The following SYNPR variants were observed in gnomAD, a reference collection of about 807,000 sequenced individuals.
SYNPR encodes synaptoporin.
Under a neutral mutation model 32.9 loss-of-function variants are expected in SYNPR, and 23 were observed. The observed-to-expected ratio is 0.70, with a 90% CI of 0.50 to 0.99. SYNPR has a LOEUF of 0.99. SYNPR is among the 50% of genes least tolerant of loss of function. SYNPR has a pLI of 0.00. For missense variants in SYNPR, 318 were observed against 349.3 expected, an observed-to-expected ratio of 0.91 and a Z score of 0.71; for synonymous variants, 146 against 135.9, an observed-to-expected ratio of 1.07 and a Z score of -0.52.
chr3:63,596,036 G>A (rs1575729688), intron 4 of SYNPR, among the ~76,000 whole-genome samples: 1 of 144,786 alleles, frequency 6.9e-6, no homozygotes, highest in Non-Finnish European at 1.5e-5. Context: ...GGGTACATGT[G>A]CACAATGTGC....
At chr3:63,527,756 G>C (rs1702041143) in intron 3 of SYNPR, among the ~76,000 whole-genome samples, 1 of 152,182 alleles carries the variant, frequency 6.6e-6, no homozygotes, top group Non-Finnish European at 1.5e-5. Context: ...GATGGGTAAT[G>C]AATGTCCTTT....
At chr3:63,454,803 T>A (rs1005254053) in intron 2 of SYNPR, among the ~76,000 whole-genome samples, 1 of 152,070 alleles carries the variant, frequency 6.6e-6, no homozygotes, top group Non-Finnish European at 1.5e-5. Flanking sequence ...TGGTGGGGAA[T>A]GGTTGAGGTT....
chr3:63,615,185 G>T (rs1315412741), intron 5 of SYNPR, 39 bp from the exon 6 acceptor site: 1 of 1,591,102 alleles, frequency 6.3e-7, no homozygotes, highest in Non-Finnish European at 8.6e-7. Context: ...TTGGGTTTTT[G>T]TCTAGTCTAT....
intron 4 of SYNPR, among the ~76,000 whole-genome samples, chr3:63,596,039 C>A (rs1575729691): frequency 1.4e-5 from 2 of 145,682 alleles, no homozygotes; most frequent in African/African-American, 5.0e-5. Flanking sequence ...TACATGTGCA[C>A]AATGTGCAGG....
At chr3:63,551,979 C>T (rs1016907731) in intron 3 of SYNPR, among the ~76,000 whole-genome samples, 1 of 151,944 alleles carries the variant, frequency 6.6e-6, no homozygotes, top group African/African-American at 2.4e-5. Context: ...CTCGCTGCAA[C>T]CTCTGCCTCC....
At chr3:63,476,293 GGGAGGGAAGGAAGGGA>G (rs1700917215) in intron 2 of SYNPR, among the ~76,000 whole-genome samples, 1 of 109,746 alleles carries the variant, frequency 9.1e-6, no homozygotes. Flanking sequence ...AGGAAGGGAA[GGGAGGGAAGGAAGGGA>G]AGGGAGGGAA....
At chr3:63,285,615 G>C (rs996045202) in intron 2 of SYNPR, among the ~76,000 whole-genome samples, 1 of 152,174 alleles carries the variant, frequency 6.6e-6, no homozygotes, top group Non-Finnish European at 1.5e-5. Context: ...CAGCTCCTCA[G>C]TGTCCAGATG....
the SYNPR span, among the ~76,000 whole-genome samples, chr3:63,220,284 C>T: frequency 1.3e-4 from 20 of 152,250 alleles, no homozygotes; most frequent in African/African-American, 3.4e-4. Context: ...AACTATTTTG[C>T]AGATAGTGAT....
At chr3:63,436,742 C>G (rs1700091595) in intron 2 of SYNPR, among the ~76,000 whole-genome samples, 1 of 152,146 alleles carries the variant, frequency 6.6e-6, no homozygotes, top group Non-Finnish European at 1.5e-5. Context: ...TCTGAATACT[C>G]AGAAATGCCA....
At chr3:63,281,995 C>T (rs920608587) in intron 2 of SYNPR, among the ~76,000 whole-genome samples, 1 of 152,102 alleles carries the variant, frequency 6.6e-6, no homozygotes, top group Non-Finnish European at 1.5e-5. Context: ...CCAGCCTAGC[C>T]AACATAGGGA....
intron 2 of SYNPR, among the ~76,000 whole-genome samples, chr3:63,376,809 C>T (rs1044995043): frequency 5.9e-5 from 9 of 152,044 alleles, no homozygotes; most frequent in African/African-American, 2.2e-4. Context: ...ACACTAGTTA[C>T]TGTCTGATAT....
At chr3:63,207,617 A>C in the SYNPR span, among the ~76,000 whole-genome samples, 2 of 152,180 alleles carry the variant, frequency 1.3e-5, no homozygotes, top group Non-Finnish European at 2.9e-5. Flanking sequence ...AACTCAGTAT[A>C]ATATGAATCA....
chr3:63,557,904 C>A (rs1362108356), intron 4 of SYNPR, among the ~76,000 whole-genome samples: 2 of 152,064 alleles, frequency 1.3e-5, no homozygotes, highest in Admixed American at 1.3e-4. Flanking sequence ...ACAGTTTATC[C>A]CCCACCAAAA....
At chr3:63,296,528 G>T (rs1660281280) in intron 2 of SYNPR, among the ~76,000 whole-genome samples, 1 of 152,162 alleles carries the variant, frequency 6.6e-6, no homozygotes, top group South Asian at 2.1e-4. Flanking sequence ...TGGTTTTTGA[G>T]ATGATGGAAT....
At chr3:63,227,395 T>C (rs1317075199), upstream of SYNPR, among the ~76,000 whole-genome samples, 2 of 152,104 alleles carry the variant, frequency 1.3e-5, no homozygotes, top group African/African-American at 4.8e-5. Flanking sequence ...ACAAGTAGGA[T>C]GAGTAAGGGG....
intron 2 of SYNPR, among the ~76,000 whole-genome samples, chr3:63,329,236 A>C (rs908006929): frequency 6.6e-6 from 1 of 152,194 alleles, no homozygotes; most frequent in Non-Finnish European, 1.5e-5. Flanking sequence ...ATTATGTATC[A>C]GTCACAAAGC....
intron 2 of SYNPR, chr3:63,443,271 CTGAT>C (rs1025004161): frequency 6.9e-7 from 1 of 1,441,262 alleles, no homozygotes; most frequent in Non-Finnish European, 9.1e-7. Context: ...AAGCTGCTAT[CTGAT>C]TGGTATAACA....
intron 2 of SYNPR, among the ~76,000 whole-genome samples, chr3:63,471,457 C>T (rs1249979366): frequency 6.6e-6 from 1 of 152,140 alleles, no homozygotes; most frequent in Non-Finnish European, 1.5e-5. Context: ...AAACTGATGG[C>T]TGAGAAAATG....
chr3:63,370,727 G>T (rs2087801752), intron 2 of SYNPR, among the ~76,000 whole-genome samples: 1 of 152,138 alleles, frequency 6.6e-6, no homozygotes, highest in South Asian at 2.1e-4. Flanking sequence ...TTTTGAGGTT[G>T]TTTAGATATC....
Sources: allele counts gnomAD v4.1 joint callset (sites outside exome capture counted in the v4.1 genomes callset), GRCh38; gene constraint gnomAD v4.1.1; transcripts MANE v1.5; gene names NCBI Gene and HGNC (gene_info 2026-07-23, HGNC 2026-07-21).